The following FBXL7 variants were observed in gnomAD, a reference collection of about 807,000 sequenced individuals.
FBXL7 encodes the protein F-box/LRR-repeat protein 7.
Under a neutral mutation model 38.3 loss-of-function variants are expected in FBXL7, and 12 were observed. That is an observed-to-expected ratio of 0.31 (90% CI 0.20 to 0.51). The LOEUF is 0.51. Ranked by LOEUF, FBXL7 falls within the 20% of genes least tolerant of loss-of-function variation. The pLI is 0.98. For missense variants in FBXL7, 567 were observed against 676.4 expected, an observed-to-expected ratio of 0.84 and a Z score of 1.79; for synonymous variants, 297 against 300.9, an observed-to-expected ratio of 0.99 and a Z score of 0.13.
At chr5:15,682,329 C>A (rs1056571697) in intron 2 of FBXL7, among the ~76,000 whole-genome samples, 3 of 152,152 alleles carry the variant, frequency 2.0e-5, no homozygotes, top group African/African-American at 7.2e-5. Flanking sequence ...ATCACGTGAC[C>A]TTACTAACAC....
At chr5:15,658,443 G>C (rs543270002) in intron 2 of FBXL7, among the ~76,000 whole-genome samples, 2 of 152,234 alleles carry the variant, frequency 1.3e-5, no homozygotes, top group Admixed American at 1.3e-4. Flanking sequence ...TTCCCCCATC[G>C]TGTTCTCATG....
At chr5:15,503,241 T>C (rs1220592233) in intron 1 of FBXL7, among the ~76,000 whole-genome samples, 1 of 152,076 alleles carries the variant, frequency 6.6e-6, no homozygotes, top group Non-Finnish European at 1.5e-5. Flanking sequence ...GCCAACATGG[T>C]GAAACCCTGT....
chr5:15,776,524 C>T (rs1736861779), intron 2 of FBXL7, among the ~76,000 whole-genome samples: 1 of 152,090 alleles, frequency 6.6e-6, no homozygotes, highest in African/African-American at 2.4e-5. Flanking sequence ...TAGCATTGGC[C>T]TGCAAGTTTA....
intron 2 of FBXL7, among the ~76,000 whole-genome samples, chr5:15,749,244 C>CA (rs70938027): frequency 0.29 from 19,829 of 69,204 alleles, 3,115 homozygotes; most frequent in South Asian, 0.3. Context: ...GACTCTGTCT[C>CA]AAAAAAAAAA....
chr5:15,830,513 C>CACAT (rs1168113070), intron 2 of FBXL7, among the ~76,000 whole-genome samples: 6 of 151,374 alleles, frequency 4.0e-5, no homozygotes, highest in Non-Finnish European at 7.4e-5. Flanking sequence ...CACACACACA[C>CACAT]ACACACACAC....
chr5:15,694,068 G>GC, intron 2 of FBXL7, among the ~76,000 whole-genome samples: 1 of 152,246 alleles, frequency 6.6e-6, no homozygotes, highest in South Asian at 2.1e-4. Flanking sequence ...TGTAACACAT[G>GC]CCCACTGGGC....
At chr5:15,757,867 T>G (rs1736339142) in intron 2 of FBXL7, among the ~76,000 whole-genome samples, 1 of 152,172 alleles carries the variant, frequency 6.6e-6, no homozygotes, top group Non-Finnish European at 1.5e-5. Flanking sequence ...GCAGGCTCAG[T>G]CAGCCTCTCT....
At chr5:15,652,359 C>T (rs1400229311) in intron 2 of FBXL7, among the ~76,000 whole-genome samples, 10 of 152,054 alleles carry the variant, frequency 6.6e-5, no homozygotes, top group African/African-American at 1.7e-4. Flanking sequence ...CTCTGCCTCC[C>T]GGGTTCACGC....
intron 1 of FBXL7, among the ~76,000 whole-genome samples, chr5:15,509,808 C>T (rs562856348): frequency 3.9e-5 from 6 of 152,264 alleles, no homozygotes; most frequent in East Asian, 3.9e-4. Flanking sequence ...AGCAAATGGG[C>T]GGAAAAACCT....
intron 1 of FBXL7, among the ~76,000 whole-genome samples, chr5:15,505,990 G>T (rs1736635646): frequency 6.6e-6 from 1 of 152,118 alleles, no homozygotes; most frequent in Non-Finnish European, 1.5e-5. Flanking sequence ...ATGCATGGTG[G>T]CTCTAACTTT....
chr5:15,624,924 ATCTC>A (rs1281469183), intron 2 of FBXL7, among the ~76,000 whole-genome samples: 1 of 140,280 alleles, frequency 7.1e-6, no homozygotes, highest in Non-Finnish European at 1.5e-5. Context: ...TGGCTTCTTG[ATCTC>A]TCTCTCTCTT....
At chr5:15,935,036 C>T (rs1471426760) in intron 3 of FBXL7, 1 of 444,634 alleles carries the variant, frequency 2.2e-6, no homozygotes, top group East Asian at 6.0e-5. Flanking sequence ...AACAGATTGG[C>T]TCTGAGACCT....
chr5:15,817,613 G>A (rs1454864352), intron 2 of FBXL7, among the ~76,000 whole-genome samples: 6 of 152,068 alleles, frequency 3.9e-5, no homozygotes, highest in Non-Finnish European at 7.4e-5. Context: ...TCATGGGGGT[G>A]GTTTTTCCCA....
chr5:15,673,396 C>A (rs191438672), intron 2 of FBXL7, among the ~76,000 whole-genome samples: 1 of 151,934 alleles, frequency 6.6e-6, no homozygotes, highest in Admixed American at 6.6e-5. Context: ...TACTCTCAAC[C>A]CTATGGATGG....
At chr5:15,800,271 T>C (rs1201247199) in intron 2 of FBXL7, among the ~76,000 whole-genome samples, 3 of 152,098 alleles carry the variant, frequency 2.0e-5, no homozygotes, top group Non-Finnish European at 4.4e-5. Context: ...CTCAATAGGC[T>C]TCACATCTGA....
intron 2 of FBXL7, among the ~76,000 whole-genome samples, chr5:15,831,492 G>A (rs538040572): frequency 2.6e-5 from 4 of 152,264 alleles, no homozygotes; most frequent in South Asian, 2.1e-4. Context: ...TATGATTCCC[G>A]GGAAAGAGGT....
intron 1 of FBXL7, among the ~76,000 whole-genome samples, chr5:15,532,004 T>A (rs1200828378): frequency 6.6e-6 from 1 of 152,260 alleles, no homozygotes; most frequent in Admixed American, 6.5e-5. Flanking sequence ...GAGGTAATTT[T>A]AGTGAGAATA....
chr5:15,559,651 A>G (rs1738353529), intron 1 of FBXL7, among the ~76,000 whole-genome samples: 1 of 152,242 alleles, frequency 6.6e-6, no homozygotes, highest in Admixed American at 6.5e-5. Flanking sequence ...CTAATAGGTG[A>G]GAATATACCT....
intron 2 of FBXL7, among the ~76,000 whole-genome samples, chr5:15,788,201 CTAAT>C (rs1344211967): frequency 6.6e-6 from 1 of 152,144 alleles, no homozygotes; most frequent in Admixed American, 6.5e-5. Context: ...CTCAAGCTAA[CTAAT>C]TATATCTGCA....
Sources: gnomAD v4.1 joint callset for allele counts (sites outside exome capture counted in the v4.1 genomes callset) on GRCh38, gnomAD v4.1.1 for gene constraint, MANE v1.5 for transcripts, NCBI Gene and HGNC (gene_info 2026-07-23, HGNC 2026-07-21) for gene names.